The following DENND1B variants were observed in gnomAD, a reference collection of about 807,000 sequenced individuals.
The protein encoded by DENND1B is DENN domain-containing protein 1B.
In DENND1B, 59 loss-of-function variants were observed where a neutral mutation model predicts 90.1. That is an observed-to-expected ratio of 0.65 (90% CI 0.53 to 0.81). DENND1B has a LOEUF of 0.81. Ranked by LOEUF, DENND1B falls within the 40% of genes least tolerant of loss-of-function variation. The probability of loss-of-function intolerance (pLI) is 0.00; values close to 1 mark genes in which losing one functional copy is unlikely to be tolerated. For synonymous variants in DENND1B, 337 were observed against 324.6 expected (o/e 1.04, Z -0.41); for missense variants, 862 against 912.6 (o/e 0.94, Z 0.71).
chr1:197,769,756 CA>C (rs1227661327), intron 2 of DENND1B, among the ~76,000 whole-genome samples: 8 of 148,232 alleles, frequency 5.4e-5, no homozygotes, highest in South Asian at 2.1e-4. Context: ...TTAATGTTAG[CA>C]AAAAAAAAAT....
chr1:197,722,229 C>A (rs959690026), intron 2 of DENND1B, among the ~76,000 whole-genome samples: 1 of 151,846 alleles, frequency 6.6e-6, no homozygotes, highest in Admixed American at 6.6e-5. Context: ...AGAAAAGGTT[C>A]ATTATATATG....
chr1:197,776,721 G>A (rs1657288428), upstream of DENND1B, among the ~76,000 whole-genome samples: 1 of 152,074 alleles, frequency 6.6e-6, no homozygotes, highest in Admixed American at 6.5e-5. Context: ...AAACTTTCTT[G>A]CCAAAATTGG....
At chr1:197,615,521 T>C (rs574874629) in intron 11 of DENND1B, among the ~76,000 whole-genome samples, 1 of 151,180 alleles carries the variant, frequency 6.6e-6, no homozygotes, top group South Asian at 2.1e-4. Context: ...GACACTATTT[T>C]TGAACTGGAA....
At chr1:197,614,151 A>G (rs1969) in intron 11 of DENND1B, among the ~76,000 whole-genome samples, 120,581 of 150,584 alleles carry the variant, frequency 0.8, 48,378 homozygotes, top group East Asian at 0.87. Context: ...AAAATTGTTA[A>G]GCTGACATAA....
chr1:197,667,374 C>T (rs1655044555), intron 5 of DENND1B, among the ~76,000 whole-genome samples: 1 of 151,978 alleles, frequency 6.6e-6, no homozygotes, highest in Non-Finnish European at 1.5e-5. Context: ...TCTTTAAATC[C>T]CAATTTTCAA....
At chr1:197,592,595 T>C (rs778656242) in intron 14 of DENND1B, among the ~76,000 whole-genome samples, 1 of 152,082 alleles carries the variant, frequency 6.6e-6, no homozygotes, top group Non-Finnish European at 1.5e-5. Flanking sequence ...ATTAAAAGCG[T>C]TGCCAGGAAG....
At chr1:197,628,200 A>G (rs1300487287) in intron 10 of DENND1B, among the ~76,000 whole-genome samples, 3 of 152,176 alleles carry the variant, frequency 2.0e-5, no homozygotes, top group African/African-American at 7.2e-5. Context: ...AGAACCAAAA[A>G]AGAGCCCGCA....
intron 2 of DENND1B, among the ~76,000 whole-genome samples, chr1:197,754,659 C>CAAAAAAAAAAAAAAAAA (rs57926782): frequency 1.1e-4 from 8 of 72,894 alleles, no homozygotes; most frequent in Admixed American, 1.9e-4. Context: ...GACTCTGTCT[C>CAAAAAAAAAAAAAAAAA]AAAAAAAAAA....
chr1:197,617,595 C>T, intron 11 of DENND1B, 64 bp downstream of exon 11: 1 of 1,239,366 alleles, frequency 8.1e-7, no homozygotes, highest in Non-Finnish European at 1.2e-6. Flanking sequence ...ACCTAGTTCA[C>T]AAATAAACAG....
At chr1:197,759,043 C>T (rs749881990) in intron 2 of DENND1B, among the ~76,000 whole-genome samples, 1 of 136,832 alleles carries the variant, frequency 7.3e-6, no homozygotes, top group Non-Finnish European at 1.5e-5. Context: ...GATCTCGGCT[C>T]AATGCAACAT....
At chr1:197,657,150 A>G (rs1653920747) in intron 6 of DENND1B, among the ~76,000 whole-genome samples, 2 of 152,234 alleles carry the variant, frequency 1.3e-5, no homozygotes, top group South Asian at 4.1e-4. Context: ...AGATTGGGAT[A>G]GAATACTCGC....
intron 15 of DENND1B, among the ~76,000 whole-genome samples, chr1:197,554,211 T>C (rs1029059340): frequency 2.6e-5 from 4 of 151,948 alleles, no homozygotes; most frequent in African/African-American, 9.7e-5. Context: ...GAATTTGATA[T>C]GTTGTGGTTT....
chr1:197,518,023 T>C (rs1374077064), intron 20 of DENND1B, among the ~76,000 whole-genome samples: 1 of 151,868 alleles, frequency 6.6e-6, no homozygotes, highest in Admixed American at 6.6e-5. Flanking sequence ...TTAATTTATA[T>C]GCCATTACAT....
chr1:197,618,531 GTTAA>G (rs1378972298), intron 10 of DENND1B, among the ~76,000 whole-genome samples: 7 of 151,060 alleles, frequency 4.6e-5, no homozygotes, highest in Non-Finnish European at 7.4e-5. Context: ...TTGGTAAGCA[GTTAA>G]TTAAACATTT....
intron 2 of DENND1B, among the ~76,000 whole-genome samples, chr1:197,749,715 A>G (rs984127106): frequency 1.3e-5 from 2 of 152,050 alleles, no homozygotes; most frequent in East Asian, 1.9e-4. Context: ...TAGTAGGTAC[A>G]TAAGATTTTT....
At chr1:197,760,467 T>C (rs549300874) in intron 2 of DENND1B, among the ~76,000 whole-genome samples, 2 of 151,740 alleles carry the variant, frequency 1.3e-5, no homozygotes, top group Non-Finnish European at 2.9e-5. Flanking sequence ...CTGGGCAAAA[T>C]AGCAAAGCCC....
chr1:197,779,929 C>A, upstream of DENND1B, among the ~76,000 whole-genome samples: 1 of 152,000 alleles, frequency 6.6e-6, no homozygotes, highest in East Asian at 1.9e-4. Context: ...GTTATGTGAT[C>A]CTTAGAACTT....
intron 20 of DENND1B, among the ~76,000 whole-genome samples, chr1:197,527,161 T>C (rs1669192291): frequency 6.6e-6 from 1 of 152,172 alleles, no homozygotes; most frequent in Non-Finnish European, 1.5e-5. Context: ...TTAGTATTAA[T>C]ATAATTAGTC....
rs183132454 is a variant in DENND1B at position 197,506,466 on chromosome 1, C to T, written c.*3994G>A. 85 of 151,584 alleles carry T rather than the reference C, an allele frequency of 5.6e-4. No individual in the cohort carries two copies. Among genetic ancestry groups the T allele is most frequent in the African/African-American group, 2.0e-3 (83 of 41,468 alleles). The allele number at this position is 151,584 out of a possible 1,614,324, so 9.4% of individuals were successfully genotyped here. A position where few individuals can be genotyped will look rare whatever the true frequency, so the allele number is the denominator to read the frequency against. On this transcript the variant is annotated 3_prime_UTR_variant, in exon 23 of 23. Transcript: ENST00000620048. ...TTACATTCTTAAATATTCTGATTTA[C>T]AAATATCTTAAGATTCAGGGTCTTT... is the stretch of plus-strand genomic sequence containing the variant.
Sources: gnomAD v4.1 joint callset for allele counts (sites outside exome capture counted in the v4.1 genomes callset) on GRCh38, gnomAD v4.1.1 for gene constraint, MANE v1.5 for transcripts, NCBI Gene and HGNC (gene_info 2026-07-23, HGNC 2026-07-21) for gene names.